Variants in TMEM248 observed in about 807,000 individuals in gnomAD.
The protein encoded by TMEM248 is transmembrane protein 248.
In TMEM248, 9 loss-of-function variants were observed where a neutral mutation model predicts 30.3. The ratio of observed to expected loss-of-function variants is 0.30; its 90% CI spans 0.18 to 0.52. The LOEUF (loss-of-function observed/expected upper bound fraction) is 0.52. TMEM248 is among the 20% of genes least tolerant of loss of function. The pLI is 0.97. For missense variants in TMEM248, 338 were observed against 403.3 expected (o/e 0.84, Z 1.39); for synonymous variants, 184 against 154.4 (o/e 1.19, Z -1.42).
chr7:66,948,446 G>C, intron 3 of TMEM248, 98 bp from the exon 4 acceptor site: 1 of 1,425,170 alleles, frequency 7.0e-7, no homozygotes, highest in Non-Finnish European at 9.5e-7. Flanking sequence ...GCTGATAGAT[G>C]ATTCCTGTGT....
chr7:66,947,280 A>G (rs1792131792), intron 3 of TMEM248, among the ~76,000 whole-genome samples: 1 of 151,930 alleles, frequency 6.6e-6, no homozygotes, highest in Non-Finnish European at 1.5e-5. Context: ...AGTGCCCACC[A>G]GCCTCCTATT....
intron 1 of TMEM248, among the ~76,000 whole-genome samples, chr7:66,927,437 TC>T (rs1433283448): frequency 6.6e-6 from 1 of 151,360 alleles, no homozygotes; most frequent in Non-Finnish European, 1.5e-5. Flanking sequence ...TCTTATTTGA[TC>T]TTTTTTTTTT....
At chr7:66,939,877 A>T (rs1286870989) in intron 1 of TMEM248, among the ~76,000 whole-genome samples, 1 of 152,220 alleles carries the variant, frequency 6.6e-6, no homozygotes. Context: ...GATGCTAAAC[A>T]ATATAAAGGA....
At chr7:66,940,795 C>T (rs1380822464) in intron 1 of TMEM248, among the ~76,000 whole-genome samples, 2 of 152,190 alleles carry the variant, frequency 1.3e-5, no homozygotes, top group Admixed American at 1.3e-4. Context: ...TGGCAATGAG[C>T]AGGACAGAAT....
intron 5 of TMEM248, among the ~76,000 whole-genome samples, chr7:66,952,500 G>T (rs144446970): frequency 6.6e-6 from 1 of 152,212 alleles, no homozygotes; most frequent in Non-Finnish European, 1.5e-5. Context: ...TGTTTGGGGC[G>T]TGGGTGTTGG....
At chr7:66,925,241 A>C (rs1791492954) in intron 1 of TMEM248, among the ~76,000 whole-genome samples, 1 of 152,040 alleles carries the variant, frequency 6.6e-6, no homozygotes, top group Non-Finnish European at 1.5e-5. Flanking sequence ...GGCTGGTCTC[A>C]AACTCCTGGG....
At chr7:66,946,061 G>A (rs1025404952) in intron 3 of TMEM248, among the ~76,000 whole-genome samples, 5 of 151,122 alleles carry the variant, frequency 3.3e-5, no homozygotes, top group Non-Finnish European at 7.4e-5. Context: ...CTCCAGCCTG[G>A]GCGACAGAGG....
At chr7:66,931,436 A>G (rs1791662857) in intron 1 of TMEM248, among the ~76,000 whole-genome samples, 1 of 152,064 alleles carries the variant, frequency 6.6e-6, no homozygotes, top group African/African-American at 2.4e-5. Flanking sequence ...CTGTGGCATA[A>G]TGAATGTTAA....
At chr7:66,936,103 G>A (rs1170526991) in intron 1 of TMEM248, among the ~76,000 whole-genome samples, 4 of 152,042 alleles carry the variant, frequency 2.6e-5, no homozygotes, top group African/African-American at 7.2e-5. Flanking sequence ...GTTGAATTAC[G>A]GTGGTGAAAG....
Position 66,945,088 on chromosome 7 carries a change from G to A in TMEM248, c.272G>A (p.Ser91Asn), listed in dbSNP as rs1302622106. The A allele has an allele frequency of 6.2e-7, 1 of 1,614,200 alleles. No homozygotes were observed. The highest frequency in any genetic ancestry group is 8.5e-7 in the Non-Finnish European group (1 of 1,180,042). The change falls in exon 3 of 7, where the codon AGC (serine) becomes AAC (asparagine). Residue 91 changes from serine (S) to asparagine (N), a missense_variant. Transcript: ENST00000341567. ...ACAACTCCGGAAAGTACAATGACCA[G>A]CGGGCAGGCCCGAGCTTCCACCCAG... Reference protein sequence around the residue: ...DTTTPESTMTSGQARASTQSP... With the variant: ...DTTTPESTMTNGQARASTQSP...
chr7:66,950,445 G>A (rs746681675), intron 4 of TMEM248, among the ~76,000 whole-genome samples: 20 of 152,112 alleles, frequency 1.3e-4, no homozygotes, highest in African/African-American at 2.7e-4. Flanking sequence ...CTTTGCTGCC[G>A]CCATGTGAAG....
At chr7:66,934,184 A>C (rs1164510797) in intron 1 of TMEM248, among the ~76,000 whole-genome samples, 1 of 150,846 alleles carries the variant, frequency 6.6e-6, no homozygotes, top group Non-Finnish European at 1.5e-5. Flanking sequence ...GCTTTCTTTT[A>C]TTATTATTAT....
chr7:66,950,661 G>A (rs1205044203), intron 4 of TMEM248, among the ~76,000 whole-genome samples: 1 of 152,180 alleles, frequency 6.6e-6, no homozygotes, highest in Non-Finnish European at 1.5e-5. Flanking sequence ...TATGTGCTTT[G>A]CATCACATGT....
At chr7:66,953,140 T>A in intron 5 of TMEM248, 86 bp from the exon 6 acceptor site, 1 of 1,477,386 alleles carries the variant, frequency 6.8e-7, no homozygotes, top group South Asian at 1.3e-5. Flanking sequence ...CTGGAGGCTG[T>A]CAATCCTGTC....
intron 6 of TMEM248, among the ~76,000 whole-genome samples, chr7:66,953,948 T>C (rs1198973432): frequency 4.9e-5 from 7 of 143,250 alleles, no homozygotes; most frequent in East Asian, 4.1e-4. Flanking sequence ...TCTTTTTTTT[T>C]TTTTTTTTTT....
At chr7:66,927,725 G>A (rs1369500665) in intron 1 of TMEM248, among the ~76,000 whole-genome samples, 1 of 151,010 alleles carries the variant, frequency 6.6e-6, no homozygotes, top group Non-Finnish European at 1.5e-5. Context: ...CCAAAGTGTT[G>A]GGATTACAGG....
intron 4 of TMEM248, among the ~76,000 whole-genome samples, chr7:66,949,044 C>G (rs750846652): frequency 6.6e-6 from 1 of 151,238 alleles, no homozygotes; most frequent in Non-Finnish European, 1.5e-5. Context: ...CTCAGGCCTG[C>G]GATCCCAGCA....
chr7:66,949,808 T>C (rs1204904416), intron 4 of TMEM248, among the ~76,000 whole-genome samples: 1 of 152,110 alleles, frequency 6.6e-6, no homozygotes, highest in African/African-American at 2.4e-5. Context: ...TTTAGGTTTT[T>C]TTTGTTGTTG....
chr7:66,947,506 G>A (rs1792140571), intron 3 of TMEM248, among the ~76,000 whole-genome samples: 1 of 151,982 alleles, frequency 6.6e-6, no homozygotes, highest in Non-Finnish European at 1.5e-5. Flanking sequence ...GGGTTCAAGC[G>A]ACTGTTCTGC....
Sources: allele counts gnomAD v4.1 joint callset (sites outside exome capture counted in the v4.1 genomes callset), GRCh38; gene constraint gnomAD v4.1.1; transcripts MANE v1.5; gene names NCBI Gene and HGNC (gene_info 2026-07-23, HGNC 2026-07-21).